The following RHEX variants were observed in gnomAD, a reference collection of about 807,000 sequenced individuals.
RHEX encodes regulator of hemoglobinization and erythroid cell expansion protein.
A neutral mutation model predicts 20.1 loss-of-function variants in RHEX; 18 were observed. The ratio of observed to expected loss-of-function variants is 0.90; its 90% CI spans 0.62 to 1.33. The LOEUF is 1.33. RHEX is among the 40% of genes most tolerant of loss of function. RHEX has a pLI of 0.00. For synonymous variants in RHEX, 87 were observed against 77.1 expected, an observed-to-expected ratio of 1.13 and a Z score of -0.67; for missense variants, 192 against 214.3, an observed-to-expected ratio of 0.90 and a Z score of 0.65.
At chr1:206,085,515 T>G (rs1662821332) in intron 1 of RHEX, among the ~76,000 whole-genome samples, 1 of 152,240 alleles carries the variant, frequency 6.6e-6, no homozygotes. Flanking sequence ...TTCTTGCTGA[T>G]TTAGTCTTGG....
At chr1:206,077,053 T>C (rs1320034788) in intron 1 of RHEX, among the ~76,000 whole-genome samples, 2 of 152,238 alleles carry the variant, frequency 1.3e-5, no homozygotes, top group East Asian at 1.9e-4. Flanking sequence ...GTGTTACATA[T>C]GCATGGTGTA....
chr1:206,065,832 G>A (rs1256427733), intron 1 of RHEX, among the ~76,000 whole-genome samples: 2 of 152,236 alleles, frequency 1.3e-5, no homozygotes, highest in Non-Finnish European at 2.9e-5. Context: ...GTGATAGGGT[G>A]GGGAGAGTGG....
At chr1:206,082,950 A>G (rs1662767827) in intron 1 of RHEX, among the ~76,000 whole-genome samples, 1 of 152,202 alleles carries the variant, frequency 6.6e-6, no homozygotes, top group Non-Finnish European at 1.5e-5. Flanking sequence ...AGAGCCTGAA[A>G]TCAGCCTTCC....
chr1:206,055,412 TG>T (rs1469468869), intron 1 of RHEX, among the ~76,000 whole-genome samples: 8 of 152,186 alleles, frequency 5.3e-5, no homozygotes, highest in African/African-American at 1.7e-4. Context: ...ATAACTAGAG[TG>T]GCACTTGTGC....
intron 1 of RHEX, among the ~76,000 whole-genome samples, chr1:206,064,229 T>C (rs28754752): frequency 0.2 from 27,005 of 132,598 alleles, 4,234 homozygotes; most frequent in African/African-American, 0.48. Flanking sequence ...GGAGCGTCTC[T>C]GCCCGGCAGC....
intron 1 of RHEX, chr1:206,062,326 T>TACAAGAAAC (rs1344739551): frequency 6.6e-6 from 1 of 152,190 alleles, no homozygotes; most frequent in African/African-American, 2.4e-5. Flanking sequence ...AGGAGTGACA[T>TACAAGAAAC]ACAAGAAACA....
At chr1:206,088,346 A>G (rs1291981300) in intron 1 of RHEX, among the ~76,000 whole-genome samples, 1 of 152,224 alleles carries the variant, frequency 6.6e-6, no homozygotes, top group African/African-American at 2.4e-5. Flanking sequence ...ATAGATTCAT[A>G]TTTATGAATA....
intron 1 of RHEX, among the ~76,000 whole-genome samples, chr1:206,071,152 G>T (rs551931234): frequency 1.3e-5 from 2 of 152,166 alleles, no homozygotes; most frequent in Non-Finnish European, 2.9e-5. Flanking sequence ...GTGGTTGAAG[G>T]TCTGAGAGCC....
At position 206,070,030 on chromosome 1, in the gene RHEX, A is replaced by C. The variant is rs564717637; in HGVS notation, c.-97+16765A>C. Among the ~76,000 whole-genome samples the C allele has an allele frequency of 3.3e-5, 5 of 152,152 alleles. No homozygotes were observed. The East Asian group carries it at 7.7e-4, about 23-fold the overall frequency. On this transcript the variant is annotated intron_variant, in intron 1 of 5. Coordinates refer to ENST00000331555, the MANE Select transcript of RHEX (RefSeq NM_001007544.4). ...AATACTATAAAATCCAACAGAAAAA[A>C]ATAGCATTTACTATTAAAAAAAAAA...
At chr1:206,095,984 A>T (rs1479712322) in intron 1 of RHEX, among the ~76,000 whole-genome samples, 3 of 152,022 alleles carry the variant, frequency 2.0e-5, no homozygotes, top group South Asian at 4.2e-4. Context: ...CGTGCCAGGC[A>T]CACCTAGCTA....
intron 1 of RHEX, among the ~76,000 whole-genome samples, chr1:206,073,269 G>A (rs1265797605): frequency 9.2e-5 from 14 of 152,118 alleles, no homozygotes; most frequent in Admixed American, 9.2e-4. Flanking sequence ...GGTGCCATTT[G>A]CTTGCTGATG....
At chr1:206,061,581 G>A (rs569704752) in intron 1 of RHEX, 3 of 152,278 alleles carry the variant, frequency 2.0e-5, no homozygotes, top group Non-Finnish European at 4.4e-5. Flanking sequence ...TGTCCTGTAG[G>A]GACAGCCCAA....
At position 206,067,941 on chromosome 1, in the gene RHEX, G is replaced by A. The variant is rs77409792; in HGVS notation, c.-97+14676G>A. ...TTCTGTCTTCTAAGGAGGGTGGAAT[G>A]GTTCACATCGATAAGAAAATACGTA... On this transcript the variant is annotated intron_variant, in intron 1 of 5. Transcript: ENST00000331555. The surrounding 1 kb of genome is among the most constrained non-coding windows in gnomAD (Gnocchi z 4.6). Among the ~76,000 whole-genome samples, 2,078 of 152,300 alleles carry A rather than the reference G, an allele frequency of 0.014. 49 individuals are homozygous for A. Among genetic ancestry groups the A allele is most frequent in the African/African-American group, 0.048 (1,985 of 41,552 alleles).
intron 1 of RHEX, among the ~76,000 whole-genome samples, chr1:206,075,595 T>A (rs1462161143): frequency 1.1e-4 from 16 of 149,884 alleles, no homozygotes; most frequent in African/African-American, 3.7e-4. Context: ...AAAAATCTGA[T>A]GCCAAAGTCT....
intron 1 of RHEX, among the ~76,000 whole-genome samples, chr1:206,057,053 A>G (rs923352854): frequency 1.2e-4 from 18 of 152,264 alleles, no homozygotes; most frequent in African/African-American, 4.1e-4. Context: ...ATGGAAAAGG[A>G]CTAGATCCTA....
chr1:206,059,277 A>C (rs1324100008), intron 1 of RHEX, among the ~76,000 whole-genome samples: 1 of 152,140 alleles, frequency 6.6e-6, no homozygotes, highest in Non-Finnish European at 1.5e-5. Context: ...TGTCAAAGGG[A>C]AACTTGGTGA....
rs186705681 is a variant in RHEX, at chr1:206,059,849, C to T, written c.-97+6584C>T. ...CTGGTGTGAATAATTCTCCCCTTCC[C>T]CACCAGAGCATGGGCAGGCTCCCAC... On this transcript the variant is annotated intron_variant, in intron 1 of 5. Coordinates refer to ENST00000331555, the MANE Select transcript of RHEX (RefSeq NM_001007544.4). Among the ~76,000 whole-genome samples the T allele has an allele frequency of 3.9e-5, 6 of 152,284 alleles. 1 individual carries two copies. In the South Asian group the frequency reaches 8.3e-4, roughly 21 times the overall value.
chr1:206,054,305 A>C (rs1571846438), intron 1 of RHEX, among the ~76,000 whole-genome samples: 1 of 152,250 alleles, frequency 6.6e-6, no homozygotes, highest in East Asian at 1.9e-4. Context: ...ATGTTATAAA[A>C]AAATTTATGC....
chr1:206,062,857 A>G (rs1662332720), intron 1 of RHEX, among the ~76,000 whole-genome samples: 1 of 152,224 alleles, frequency 6.6e-6, no homozygotes, highest in Non-Finnish European at 1.5e-5. Flanking sequence ...ACAAGTAGTC[A>G]TTAAGCACTT....
Sources: gnomAD v4.1 joint callset for allele counts (sites outside exome capture counted in the v4.1 genomes callset) on GRCh38, gnomAD v4.1.1 for gene constraint, Gnocchi (gnomAD v3.1) non-coding constraint, MANE v1.5 for transcripts, NCBI Gene and HGNC (gene_info 2026-07-23, HGNC 2026-07-21) for gene names.